PPM1E: variants seen among roughly 807,000 people sequenced by gnomAD.
PPM1E encodes protein phosphatase, Mg2+/Mn2+ dependent 1E, also known as protein phosphatase 1E.
A neutral mutation model predicts 65.9 loss-of-function variants in PPM1E; 20 were observed. The ratio of observed to expected loss-of-function variants is 0.30; its 90% CI spans 0.21 to 0.44. PPM1E has a LOEUF of 0.44. Among genes scored for constraint, PPM1E ranks in the 20% least tolerant of loss-of-function variants. PPM1E has a pLI of 1.00. For missense variants in PPM1E, 713 were observed against 953.1 expected, an observed-to-expected ratio of 0.75 and a Z score of 3.32; for synonymous variants, 352 against 374.9, an observed-to-expected ratio of 0.94 and a Z score of 0.70.
At chr17:58,788,212 A>G (rs1178719021) in intron 1 of PPM1E, among the ~76,000 whole-genome samples, 1 of 151,816 alleles carries the variant, frequency 6.6e-6, no homozygotes, top group African/African-American at 2.4e-5. Context: ...CACCACACCC[A>G]GCTAATTTTT....
intron 1 of PPM1E, among the ~76,000 whole-genome samples, chr17:58,926,337 A>T (rs908501221): frequency 2.2e-5 from 3 of 139,056 alleles, no homozygotes; most frequent in Non-Finnish European, 3.2e-5. Context: ...TGTCTAAATT[A>T]AAAAAAAAAA....
intron 1 of PPM1E, among the ~76,000 whole-genome samples, chr17:58,857,965 T>G (rs1192697773): frequency 1.3e-5 from 2 of 152,100 alleles, no homozygotes; most frequent in Non-Finnish European, 2.9e-5. Flanking sequence ...TTTTGAAAGT[T>G]TTTTCATTCT....
intron 1 of PPM1E, among the ~76,000 whole-genome samples, chr17:58,837,287 T>A (rs2050670070): frequency 7.7e-6 from 1 of 130,070 alleles, no homozygotes; most frequent in Non-Finnish European, 1.7e-5. Context: ...AAAAAAGAAT[T>A]CCCAGGATAT....
chr17:58,976,460 A>C (rs1464029640), intron 6 of PPM1E, among the ~76,000 whole-genome samples: 1 of 152,208 alleles, frequency 6.6e-6, no homozygotes, highest in Non-Finnish European at 1.5e-5. Context: ...GGGGGGCTGC[A>C]AAAGGACAAG....
chr17:58,897,091 C>A (rs370847314), intron 1 of PPM1E, among the ~76,000 whole-genome samples: 1 of 152,208 alleles, frequency 6.6e-6, no homozygotes, highest in South Asian at 2.1e-4. Flanking sequence ...CTGTTGAGAC[C>A]TACTGCTCAG....
intron 1 of PPM1E, among the ~76,000 whole-genome samples, chr17:58,938,334 C>T (rs2052013922): frequency 6.6e-6 from 1 of 152,182 alleles, no homozygotes; most frequent in African/African-American, 2.4e-5. Flanking sequence ...ACCTTTCTAA[C>T]TCCTTATATT....
chr17:58,876,433 T>C (rs2051127336), intron 1 of PPM1E, among the ~76,000 whole-genome samples: 1 of 152,202 alleles, frequency 6.6e-6, no homozygotes, highest in Admixed American at 6.5e-5. Context: ...AAACAAAATG[T>C]CAATTACTAG....
chr17:58,978,956 C>T (rs1467158758), intron 6 of PPM1E, among the ~76,000 whole-genome samples: 1 of 152,162 alleles, frequency 6.6e-6, no homozygotes, highest in Non-Finnish European at 1.5e-5. Flanking sequence ...CCCAAGCACC[C>T]TACTCTCCAA....
chr17:58,982,997 A>G lies in PPM1E; in HGVS notation c.*1966A>G. On this transcript the variant is annotated 3_prime_UTR_variant, in exon 7 of 7. Coordinates refer to ENST00000308249, the MANE Select transcript of PPM1E (RefSeq NM_014906.5). ...CCAAAGTGCTTAGCGAAGTAAAAAAAAAAGCTTTTTAAAATTTCTATTGTT... is the reference window on the plus strand; with the variant it reads ...CCAAAGTGCTTAGCGAAGTAAAAAAGAAAGCTTTTTAAAATTTCTATTGTT... 1 of 1,385,664 alleles carries G rather than the reference A, an allele frequency of 7.2e-7. No homozygotes were observed. The highest frequency in any genetic ancestry group is 9.9e-7 in the Non-Finnish European group (1 of 1,011,524). 85.8% of individuals were successfully genotyped at this position (1,385,664 alleles called of 1,614,324 possible). A position where few individuals can be genotyped will look rare whatever the true frequency, so the allele number is the denominator to read the frequency against.
At chr17:58,855,121 A>G (rs2050868241) in intron 1 of PPM1E, among the ~76,000 whole-genome samples, 1 of 152,214 alleles carries the variant, frequency 6.6e-6, no homozygotes, top group African/African-American at 2.4e-5. Flanking sequence ...AAATTCTCAC[A>G]GTGAATATGC....
At chr17:58,901,679 A>C (rs2051500884) in intron 1 of PPM1E, among the ~76,000 whole-genome samples, 3 of 150,502 alleles carry the variant, frequency 2.0e-5, no homozygotes, top group Admixed American at 2.0e-4. Context: ...TGTCTCAAAA[A>C]ATAATAATAA....
At chr17:58,858,498 C>G (rs945532615) in intron 1 of PPM1E, among the ~76,000 whole-genome samples, 31 of 151,986 alleles carry the variant, frequency 2.0e-4, no homozygotes, top group African/African-American at 7.3e-4. Flanking sequence ...ATTTTCTGTT[C>G]CACTTTTTAC....
chr17:58,809,471 T>C (rs1371965259), intron 1 of PPM1E, among the ~76,000 whole-genome samples: 1 of 152,078 alleles, frequency 6.6e-6, no homozygotes, highest in Admixed American at 6.6e-5. Flanking sequence ...AACTGCAGCC[T>C]TACCTCCCAG....
intron 1 of PPM1E, chr17:58,899,516 G>A (rs548032858): frequency 2.1e-4 from 49 of 229,268 alleles, no homozygotes; most frequent in Middle Eastern, 2.2e-3. Flanking sequence ...GCTTAACACC[G>A]TATCACCCTA....
At chr17:58,952,748 AC>A (rs1458214530) in intron 1 of PPM1E, among the ~76,000 whole-genome samples, 1 of 152,110 alleles carries the variant, frequency 6.6e-6, no homozygotes, top group Non-Finnish European at 1.5e-5. Context: ...ATCTCAGCTC[AC>A]TGCAACCTCC....
intron 1 of PPM1E, among the ~76,000 whole-genome samples, chr17:58,812,649 G>T (rs1022017390): frequency 9.9e-5 from 15 of 152,146 alleles, no homozygotes; most frequent in African/African-American, 3.4e-4. Flanking sequence ...CTCCTCCTGG[G>T]TTCAAGCAAT....
At chr17:58,803,198 G>A (rs1021128049) in intron 1 of PPM1E, among the ~76,000 whole-genome samples, 1 of 152,100 alleles carries the variant, frequency 6.6e-6, no homozygotes, top group Non-Finnish European at 1.5e-5. Flanking sequence ...TAAGTATGAT[G>A]TTTAGCTGTG....
rs139433695 is a variant in PPM1E, at chr17:58,903,671, C to A, written c.465-51978C>A. 5.8e-4 allele frequency among the ~76,000 whole-genome samples: 89 copies of A among 152,280 alleles called. 1 individual carries two copies. The highest frequency in any genetic ancestry group is 2.0e-3 in the African/African-American group (85 of 41,552). On this transcript the variant is annotated intron_variant, in intron 1 of 6. Coordinates refer to ENST00000308249, the MANE Select transcript of PPM1E (RefSeq NM_014906.5). ...AACGTACCACTTTTCTGCCTAATCC[C>A]AGCTTCTGGGTTGTTCAGTTTTTAT... is the stretch of plus-strand genomic sequence containing the variant.
intron 1 of PPM1E, among the ~76,000 whole-genome samples, chr17:58,770,722 T>C (rs1466782861): frequency 6.6e-6 from 1 of 152,166 alleles, no homozygotes; most frequent in Non-Finnish European, 1.5e-5. Flanking sequence ...TATGTTCTTA[T>C]ATAGGTTGAA....
Sources: allele counts gnomAD v4.1 joint callset (sites outside exome capture counted in the v4.1 genomes callset), GRCh38; gene constraint gnomAD v4.1.1; transcripts MANE v1.5; gene names NCBI Gene and HGNC (gene_info 2026-07-23, HGNC 2026-07-21).